Variants in ADARB2 observed in about 807,000 individuals in gnomAD.
ADARB2 encodes the protein adenosine deaminase RNA specific B2 (inactive), also known as inactive double-stranded RNA-specific editase B2.
ADARB2 carries 25 observed loss-of-function variants against 62.2 expected under a neutral mutation model. That is an observed-to-expected ratio of 0.40 (90% CI 0.29 to 0.56). The LOEUF (loss-of-function observed/expected upper bound fraction) is 0.56. Among genes scored for constraint, ADARB2 ranks in the 20% least tolerant of loss-of-function variants. The pLI is 0.43. For missense variants in ADARB2, 1,071 were observed against 1,077.4 expected (o/e 0.99, Z 0.08); for synonymous variants, 572 against 500.8 (o/e 1.14, Z -1.90).
intron 3 of ADARB2, among the ~76,000 whole-genome samples, chr10:1,319,613 GAA>G (rs925301173): frequency 1.3e-5 from 2 of 152,216 alleles, no homozygotes; most frequent in East Asian, 1.9e-4. Context: ...ATCAGAACTT[GAA>G]AAGAGTCTAT....
intron 1 of ADARB2, among the ~76,000 whole-genome samples, chr10:1,618,462 A>G (rs903501198): frequency 2.6e-5 from 4 of 152,246 alleles, no homozygotes; most frequent in African/African-American, 9.6e-5. Context: ...ATTCAACCAT[A>G]AGACACTTCA....
At chr10:1,360,661 G>T (rs185051926) in intron 3 of ADARB2, among the ~76,000 whole-genome samples, 1 of 152,208 alleles carries the variant, frequency 6.6e-6, no homozygotes, top group South Asian at 2.1e-4. Context: ...CATGGGGAGC[G>T]GTACGAGGGA....
intron 9 of ADARB2, among the ~76,000 whole-genome samples, chr10:1,184,257 G>A (rs1182828361): frequency 6.6e-6 from 1 of 152,168 alleles, no homozygotes; most frequent in East Asian, 1.9e-4. Context: ...TTTTTTATGT[G>A]TTGGCTGGTT....
intron 1 of ADARB2, among the ~76,000 whole-genome samples, chr10:1,544,661 A>T (rs930621372): frequency 6.6e-5 from 10 of 152,054 alleles, no homozygotes; most frequent in Non-Finnish European, 1.5e-4. Flanking sequence ...TACGTCTAGG[A>T]GGCGGGTATA....
intron 4 of ADARB2, among the ~76,000 whole-genome samples, chr10:1,251,568 G>C (rs1488384258): frequency 6.6e-6 from 1 of 152,146 alleles, no homozygotes; most frequent in South Asian, 2.1e-4. Flanking sequence ...CTAACACAAA[G>C]AATGGTTTTT....
At chr10:1,566,955 A>ACACAC (rs1183738714) in intron 1 of ADARB2, among the ~76,000 whole-genome samples, 1 of 152,268 alleles carries the variant, frequency 6.6e-6, no homozygotes, top group Non-Finnish European at 1.5e-5. Flanking sequence ...TAAATATACA[A>ACACAC]CACACCTGTC....
chr10:1,489,200 T>C (rs571510326), intron 1 of ADARB2, among the ~76,000 whole-genome samples: 15 of 152,384 alleles, frequency 9.8e-5, no homozygotes, highest in African/African-American at 3.6e-4. Flanking sequence ...CATGCACTTG[T>C]GGAGGCCCAC....
chr10:1,468,469 A>G (rs919166640), intron 1 of ADARB2, among the ~76,000 whole-genome samples: 3 of 152,164 alleles, frequency 2.0e-5, no homozygotes, highest in South Asian at 2.1e-4. Context: ...AACTCATCCC[A>G]CTCACAGATC....
At chr10:1,274,308 C>T (rs1831293148) in intron 3 of ADARB2, among the ~76,000 whole-genome samples, 1 of 152,240 alleles carries the variant, frequency 6.6e-6, no homozygotes, top group Non-Finnish European at 1.5e-5. Flanking sequence ...GTTGCCAGCT[C>T]TGGTATCCGA....
rs1833917004 is a variant in ADARB2 at position 1,636,309 on chromosome 10, G to T, written c.100+100742C>A. ...AAGCAGGCGGATCACTTGAGCCCAGGAGTTTGAGACCAGCCTGGGCTACAA... is the reference window on the plus strand; with the variant it reads ...AAGCAGGCGGATCACTTGAGCCCAGTAGTTTGAGACCAGCCTGGGCTACAA... On this transcript the variant is annotated intron_variant, in intron 1 of 9. Coordinates refer to ENST00000381312, the MANE Select transcript of ADARB2 (RefSeq NM_018702.4). 2.0e-5 allele frequency among the ~76,000 whole-genome samples: 3 copies of T among 152,162 alleles called. No individual in the cohort carries two copies. The South Asian group carries it at 6.2e-4, about 32-fold the overall frequency.
intron 1 of ADARB2, among the ~76,000 whole-genome samples, chr10:1,596,224 A>G (rs1055006970): frequency 6.6e-6 from 1 of 152,224 alleles, no homozygotes; most frequent in African/African-American, 2.4e-5. Flanking sequence ...TGGCAATGAC[A>G]TTTTTGACAA....
intron 1 of ADARB2, among the ~76,000 whole-genome samples, chr10:1,391,729 T>G (rs2131866329): frequency 6.6e-6 from 1 of 151,172 alleles, no homozygotes; most frequent in South Asian, 2.1e-4. Flanking sequence ...ATAAAAATGA[T>G]AATAAAATGA....
At position 1,244,249 on chromosome 10, in the gene ADARB2, C is replaced by T. The variant is rs575339343; in HGVS notation, c.1193-1950G>A. Among the ~76,000 whole-genome samples, 6 of 152,364 alleles carry T rather than the reference C, an allele frequency of 3.9e-5. No individual in the cohort carries two copies. The South Asian group carries it at 6.2e-4, about 16-fold the overall frequency. ...GTTGAGAAATGGTTCACAAGGATGA[C>T]ATCGTGATGCAGAAACCACCCCTCA... On this transcript the variant is annotated intron_variant, in intron 4 of 9. Transcript: ENST00000381312.
intron 4 of ADARB2, among the ~76,000 whole-genome samples, chr10:1,246,812 G>T (rs1394077185): frequency 1.3e-5 from 2 of 151,484 alleles, no homozygotes; most frequent in Admixed American, 6.6e-5. Flanking sequence ...GATTGACTTG[G>T]TGATGCGGGC....
At chr10:1,419,718 G>A (rs1039282882) in intron 1 of ADARB2, among the ~76,000 whole-genome samples, 2 of 152,180 alleles carry the variant, frequency 1.3e-5, no homozygotes, top group Non-Finnish European at 2.9e-5. Flanking sequence ...CAAGGTTATT[G>A]CTCAGATAAC....
chr10:1,364,717 G>A, intron 2 of ADARB2, among the ~76,000 whole-genome samples: 1 of 152,278 alleles, frequency 6.6e-6, no homozygotes, highest in South Asian at 2.1e-4. Flanking sequence ...ATCCAGAGAT[G>A]ATTTAAAGTA....
At chr10:1,564,945 C>T (rs2813368) in intron 1 of ADARB2, among the ~76,000 whole-genome samples, 52,233 of 152,082 alleles carry the variant, frequency 0.34, 9,635 homozygotes, top group East Asian at 0.61. Context: ...TGAGCAATGG[C>T]TCCTCCAGCG....
At chr10:1,244,344 T>A (rs1830957537) in intron 4 of ADARB2, among the ~76,000 whole-genome samples, 1 of 152,250 alleles carries the variant, frequency 6.6e-6, no homozygotes, top group Non-Finnish European at 1.5e-5. Flanking sequence ...CTAACCAGTT[T>A]CAGTGTTCAC....
At chr10:1,277,369 TAAAG>T (rs999259391) in intron 3 of ADARB2, among the ~76,000 whole-genome samples, 1 of 151,690 alleles carries the variant, frequency 6.6e-6, no homozygotes, top group African/African-American at 2.4e-5. Context: ...GCAAGACTAA[TAAAG>T]AAGAAAGAGA....
Sources: gnomAD v4.1 joint callset for allele counts (sites outside exome capture counted in the v4.1 genomes callset) on GRCh38, gnomAD v4.1.1 for gene constraint, MANE v1.5 for transcripts, NCBI Gene and HGNC (gene_info 2026-07-23, HGNC 2026-07-21) for gene names.